PLCL2: variants seen among roughly 807,000 people sequenced by gnomAD.
The protein encoded by PLCL2 is phospholipase C like 2.
A neutral mutation model predicts 79.6 loss-of-function variants in PLCL2; 4 were observed. That is an observed-to-expected ratio of 0.05 (90% confidence interval 0.02 to 0.11). The LOEUF is 0.11. Among genes scored for constraint, PLCL2 ranks in the 10% least tolerant of loss-of-function variants. The pLI, the probability that PLCL2 is intolerant of heterozygous loss-of-function variation, is 1.00. For missense variants in PLCL2, 895 were observed against 1,291.0 expected (o/e 0.69, Z 4.70); for synonymous variants, 484 against 457.7 (o/e 1.06, Z -0.73).
At chr3:17,058,555 T>G (rs766658222) in intron 4 of PLCL2, among the ~76,000 whole-genome samples, 11 of 152,168 alleles carry the variant, frequency 7.2e-5, no homozygotes, top group Non-Finnish European at 1.3e-4. Context: ...GGGTTTGTTT[T>G]TGGACAAGTT....
At chr3:16,967,560 GTCT>G (rs2063820010) in intron 1 of PLCL2, among the ~76,000 whole-genome samples, 2 of 151,972 alleles carry the variant, frequency 1.3e-5, no homozygotes, top group South Asian at 4.1e-4. Context: ...ACCTATGTAT[GTCT>G]TCTTTTGAAA....
At chr3:17,049,503 T>C (rs2064816628) in intron 4 of PLCL2, among the ~76,000 whole-genome samples, 1 of 152,140 alleles carries the variant, frequency 6.6e-6, no homozygotes, top group African/African-American at 2.4e-5. Flanking sequence ...AAAATCAGCA[T>C]GCAAAAATCA....
At chr3:17,025,543 A>G (rs145807120) in intron 3 of PLCL2, among the ~76,000 whole-genome samples, 221 of 152,352 alleles carry the variant, frequency 1.5e-3, no homozygotes, top group African/African-American at 4.9e-3. Context: ...ACTTTATAAA[A>G]TGAAGCTATT....
chr3:17,080,300 G>A (rs2065149781), intron 5 of PLCL2, among the ~76,000 whole-genome samples: 1 of 152,184 alleles, frequency 6.6e-6, no homozygotes, highest in Non-Finnish European at 1.5e-5. Context: ...TCAGTGGGAA[G>A]TGGACCTGAC....
At chr3:16,928,812 T>C (rs999691591) in intron 1 of PLCL2, among the ~76,000 whole-genome samples, 6 of 152,206 alleles carry the variant, frequency 3.9e-5, no homozygotes, top group Non-Finnish European at 8.8e-5. Context: ...TTAGTAAATA[T>C]TCGGTGATGC....
chr3:16,895,001 A>G (rs558540075), intron 1 of PLCL2, among the ~76,000 whole-genome samples: 10 of 151,992 alleles, frequency 6.6e-5, no homozygotes, highest in Non-Finnish European at 8.8e-5. Context: ...TTCAGATGAT[A>G]TATATGTTTT....
At chr3:16,917,890 T>C (rs1209432945) in intron 1 of PLCL2, among the ~76,000 whole-genome samples, 1 of 152,172 alleles carries the variant, frequency 6.6e-6, no homozygotes, top group Non-Finnish European at 1.5e-5. Flanking sequence ...GGTGGTCATC[T>C]TGGGAACTTA....
intron 1 of PLCL2, among the ~76,000 whole-genome samples, chr3:16,902,789 T>C (rs1696653963): frequency 7.0e-6 from 1 of 143,554 alleles, no homozygotes; most frequent in South Asian, 2.2e-4. Context: ...ATCATGCCAC[T>C]GCACTCCAGC....
intron 3 of PLCL2, among the ~76,000 whole-genome samples, chr3:17,024,992 A>G (rs1165052338): frequency 6.6e-6 from 1 of 152,154 alleles, no homozygotes; most frequent in African/African-American, 2.4e-5. Flanking sequence ...TGAAACCCCA[A>G]GTACTCCTTG....
intron 1 of PLCL2, among the ~76,000 whole-genome samples, chr3:16,969,280 T>C (rs2063835055): frequency 6.6e-6 from 1 of 152,162 alleles, no homozygotes; most frequent in Admixed American, 6.6e-5. Flanking sequence ...AAGGAGTCAC[T>C]CCTCCTCAGT....
intron 1 of PLCL2, among the ~76,000 whole-genome samples, chr3:16,952,500 A>C (rs1204635131): frequency 6.6e-6 from 1 of 151,844 alleles, no homozygotes; most frequent in Non-Finnish European, 1.5e-5. Flanking sequence ...AATCAGAAGT[A>C]AATGTCTAGT....
At position 16,944,821 on chromosome 3, in the gene PLCL2, G is replaced by A. The variant is rs564660799; in HGVS notation, c.327+59455G>A. Among the ~76,000 whole-genome samples, 15 of 151,326 alleles carry A rather than the reference G, an allele frequency of 9.9e-5. 1 individual carries two copies. In the South Asian group the frequency reaches 1.5e-3, roughly 15 times the overall value. ...GTCGCCCAGGCTGGAGTGCAGTGGCGTGATCTTGGGTCACTGGAACCTCCA... is the reference window on the plus strand; with the variant it reads ...GTCGCCCAGGCTGGAGTGCAGTGGCATGATCTTGGGTCACTGGAACCTCCA... On this transcript the variant is annotated intron_variant, in intron 1 of 5. Coordinates refer to ENST00000615277, the MANE Select transcript of PLCL2 (RefSeq NM_001144382.2).
At chr3:17,069,382 G>A (rs4685422) in intron 5 of PLCL2, among the ~76,000 whole-genome samples, 85,081 of 151,962 alleles carry the variant, frequency 0.56, 24,450 homozygotes, top group African/African-American at 0.69. Context: ...GTAAATTTTA[G>A]TCTTCTCTGG....
chr3:17,059,316 T>G (rs2064921419), intron 4 of PLCL2, among the ~76,000 whole-genome samples: 2 of 150,262 alleles, frequency 1.3e-5, no homozygotes, highest in African/African-American at 2.5e-5. Flanking sequence ...GAGGCAGAGG[T>G]TGCAGTGAGC....
chr3:17,080,789 C>T (rs1172732148), intron 5 of PLCL2, among the ~76,000 whole-genome samples: 1 of 152,234 alleles, frequency 6.6e-6, no homozygotes, highest in Non-Finnish European at 1.5e-5. Flanking sequence ...AACAAACACA[C>T]AGTGGAAATC....
chr3:17,022,571 T>G (rs1461866653), intron 3 of PLCL2, among the ~76,000 whole-genome samples: 1 of 152,218 alleles, frequency 6.6e-6, no homozygotes, highest in African/African-American at 2.4e-5. Flanking sequence ...GGAGATAATA[T>G]ACACAGTTCT....
intron 5 of PLCL2, among the ~76,000 whole-genome samples, chr3:17,075,579 A>C (rs1003514838): frequency 8.0e-5 from 12 of 150,548 alleles, no homozygotes; most frequent in Non-Finnish European, 1.0e-4. Context: ...GTATCTGTGA[A>C]GTGTGATAAA....
intron 1 of PLCL2, among the ~76,000 whole-genome samples, chr3:16,922,412 T>G (rs1273936867): frequency 6.6e-6 from 1 of 152,204 alleles, no homozygotes; most frequent in Admixed American, 6.5e-5. Flanking sequence ...ACTTCCTTTC[T>G]CAAAAGAAAT....
intron 3 of PLCL2, among the ~76,000 whole-genome samples, chr3:17,019,697 T>C (rs2064426904): frequency 6.6e-6 from 1 of 152,164 alleles, no homozygotes; most frequent in Admixed American, 6.5e-5. Context: ...TTTAATGCAC[T>C]TAAAATAAAG....
Sources: gnomAD v4.1 joint callset for allele counts (sites outside exome capture counted in the v4.1 genomes callset) on GRCh38, gnomAD v4.1.1 for gene constraint, MANE v1.5 for transcripts, NCBI Gene and HGNC (gene_info 2026-07-23, HGNC 2026-07-21) for gene names.